The following FSTL5 variants were observed in gnomAD, a reference collection of about 807,000 sequenced individuals.
FSTL5 encodes the protein follistatin like 5.
In FSTL5, 62 loss-of-function variants were observed where a neutral mutation model predicts 89.1. The ratio of observed to expected loss-of-function variants is 0.70; its 90% CI spans 0.57 to 0.86. The LOEUF (loss-of-function observed/expected upper bound fraction) is 0.86, where lower values mean the gene tolerates loss of function less well. Among genes scored for constraint, FSTL5 ranks in the 40% least tolerant of loss-of-function variants. FSTL5 has a pLI of 0.00. For synonymous variants in FSTL5, 383 were observed against 346.2 expected (o/e 1.11, Z -1.18); for missense variants, 1,057 against 1,001.6 (o/e 1.06, Z -0.75).
chr4:161,767,568 A>G (rs1220919358), intron 5 of FSTL5, among the ~76,000 whole-genome samples: 4 of 152,184 alleles, frequency 2.6e-5, no homozygotes, highest in Non-Finnish European at 5.9e-5. Context: ...GTTGGAGAAG[A>G]TAGCTTAAGA....
In FSTL5 at chr4:161,386,078, T is replaced by G; in HGVS notation, c.2213A>C (p.His738Pro). ...TGGTTGAAATGCCAGATCAGATATG[T>G]GCAGATTTGTGTAAATATCAAAAGC... ...QEAFDIYTNL[H>P]ISDLAFQPSF... The change falls in exon 16 of 16, where the codon CAC becomes CCC. Residue 738 changes from histidine (H) to proline (P), a missense_variant. This residue lies in a region of FSTL5 where 980 missense variants were observed against 903.2 expected (regional missense o/e 1.08). Coordinates refer to ENST00000306100, the MANE Select transcript of FSTL5 (RefSeq NM_020116.5). 6.2e-7 allele frequency: 1 copy of G among 1,614,048 alleles called. No individual in the cohort carries two copies. Among genetic ancestry groups the G allele is most frequent in the Non-Finnish European group, 8.5e-7 (1 of 1,179,984 alleles).
At chr4:161,957,739 T>C (rs1017677965) in intron 3 of FSTL5, among the ~76,000 whole-genome samples, 3 of 152,090 alleles carry the variant, frequency 2.0e-5, no homozygotes, top group African/African-American at 4.8e-5. Context: ...TTGGGCATAA[T>C]TGACATACCT....
At chr4:161,896,869 G>A (rs973377658) in intron 4 of FSTL5, among the ~76,000 whole-genome samples, 1 of 152,064 alleles carries the variant, frequency 6.6e-6, no homozygotes. Flanking sequence ...AGTGTAAAGT[G>A]CAGAGTTTTC....
At chr4:161,469,504 G>GTGACA (rs1451507733) in intron 13 of FSTL5, among the ~76,000 whole-genome samples, 1 of 152,102 alleles carries the variant, frequency 6.6e-6, no homozygotes, top group Non-Finnish European at 1.5e-5. Flanking sequence ...TGGGTATGAG[G>GTGACA]TGACATCTCA....
At chr4:161,717,593 A>G (rs1253258379) in intron 6 of FSTL5, among the ~76,000 whole-genome samples, 1 of 152,214 alleles carries the variant, frequency 6.6e-6, no homozygotes, top group African/African-American at 2.4e-5. Flanking sequence ...GAGTCTTTGA[A>G]TTCTGCAAAA....
chr4:161,465,260 T>C (rs1239311546), intron 13 of FSTL5, among the ~76,000 whole-genome samples: 3 of 152,088 alleles, frequency 2.0e-5, no homozygotes, highest in South Asian at 4.1e-4. Flanking sequence ...TGTAAGTTCT[T>C]TGGGTTTCAT....
chr4:161,810,468 G>T (rs530162569), intron 4 of FSTL5, among the ~76,000 whole-genome samples: 11 of 152,184 alleles, frequency 7.2e-5, no homozygotes, highest in Admixed American at 2.6e-4. Flanking sequence ...CGAGAAGGGT[G>T]TAGAAATGTT....
At chr4:161,565,920 G>A (rs1423166900) in intron 8 of FSTL5, among the ~76,000 whole-genome samples, 2 of 150,686 alleles carry the variant, frequency 1.3e-5, no homozygotes, top group Admixed American at 6.7e-5. Context: ...GTTTTTCTTT[G>A]GGTATATATG....
chr4:161,623,329 T>G (rs1210275597), intron 7 of FSTL5, among the ~76,000 whole-genome samples: 1 of 151,946 alleles, frequency 6.6e-6, no homozygotes, highest in Non-Finnish European at 1.5e-5. Context: ...AACAACCATA[T>G]TAGTATTGGC....
Position 161,879,302 on chromosome 4 carries a change from C to T in FSTL5, c.409+41102G>A, listed in dbSNP as rs1732549948. 2.0e-5 allele frequency among the ~76,000 whole-genome samples: 3 copies of T among 152,306 alleles called. No individual in the cohort carries two copies. In the South Asian group the frequency reaches 6.2e-4, roughly 32 times the overall value. On this transcript the variant is annotated intron_variant, in intron 4 of 15. Coordinates refer to ENST00000306100, the MANE Select transcript of FSTL5 (RefSeq NM_020116.5). ...AGCCCCATCTCTCACCTAGTGTCTA[C>T]ACCAACCCCTGTAATAGCTTCCTAC...
chr4:162,045,637 C>T (rs934217081), intron 2 of FSTL5, among the ~76,000 whole-genome samples: 10 of 152,052 alleles, frequency 6.6e-5, no homozygotes, highest in African/African-American at 1.4e-4. Context: ...TAAGCACATG[C>T]TATTTTTAAA....
At chr4:162,159,046 GA>G (rs1733593371) in intron 1 of FSTL5, among the ~76,000 whole-genome samples, 1 of 152,046 alleles carries the variant, frequency 6.6e-6, no homozygotes, top group South Asian at 2.1e-4. Flanking sequence ...GTGGCTTTGA[GA>G]AAAGGGACAT....
intron 2 of FSTL5, among the ~76,000 whole-genome samples, chr4:162,058,365 GT>G (rs2111274706): frequency 6.8e-6 from 1 of 147,452 alleles, no homozygotes; most frequent in African/African-American, 2.5e-5. Flanking sequence ...TGTGATGTTA[GT>G]TTTTTTAAAG....
chr4:161,507,250 TG>T lies in FSTL5; in HGVS notation c.1339+3147del, dbSNP rs1324419541. Reference sequence around the variant, plus strand: ...AATCCAAAACATATATTATAAACTTTGACCTCATAACATAATCTAATTGCCA... The same window carrying T: ...AATCCAAAACATATATTATAAACTTTACCTCATAACATAATCTAATTGCCA... On this transcript the variant is annotated intron_variant, in intron 11 of 15. Transcript: ENST00000306100. Among the ~76,000 whole-genome samples, 9 of 151,976 alleles carry T rather than the reference TG, an allele frequency of 5.9e-5. 1 individual carries two copies. The East Asian group carries it at 1.2e-3, about 20-fold the overall frequency.
intron 4 of FSTL5, among the ~76,000 whole-genome samples, chr4:161,899,532 G>T (rs551052529): frequency 6.6e-6 from 1 of 152,298 alleles, no homozygotes; most frequent in Admixed American, 6.5e-5. Flanking sequence ...TTAGTGAACT[G>T]CCAGGGAGCT....
intron 10 of FSTL5, among the ~76,000 whole-genome samples, chr4:161,519,293 G>A (rs559053726): frequency 2.0e-5 from 3 of 152,190 alleles, no homozygotes; most frequent in East Asian, 1.9e-4. Context: ...TTGGGAGACC[G>A]GGGTGAATGG....
intron 1 of FSTL5, among the ~76,000 whole-genome samples, chr4:162,152,862 C>CTT (rs1733282318): frequency 7.1e-6 from 1 of 140,256 alleles, no homozygotes; most frequent in South Asian, 2.3e-4. Flanking sequence ...ATGTTTAAAA[C>CTT]TGGAAAGAAA....
chr4:161,639,431 A>G (rs921348295), intron 7 of FSTL5, among the ~76,000 whole-genome samples: 3 of 152,208 alleles, frequency 2.0e-5, no homozygotes, highest in East Asian at 3.9e-4. Context: ...ATTTAATTAC[A>G]TTATCATCTA....
intron 8 of FSTL5, among the ~76,000 whole-genome samples, chr4:161,573,190 G>A (rs1490842642): frequency 1.3e-5 from 2 of 151,918 alleles, no homozygotes; most frequent in East Asian, 3.9e-4. Flanking sequence ...CAAGCGAATT[G>A]CTTGAGTCAA....
Sources: allele counts gnomAD v4.1 joint callset (sites outside exome capture counted in the v4.1 genomes callset), GRCh38; gene constraint gnomAD v4.1.1; regional missense constraint gnomAD v4.1.1; transcripts MANE v1.5; gene names NCBI Gene and HGNC (gene_info 2026-07-23, HGNC 2026-07-21).